The following FGF12 variants were observed in gnomAD, a reference collection of about 807,000 sequenced individuals.
The protein encoded by FGF12 is fibroblast growth factor 12.
Under a neutral mutation model 23.6 loss-of-function variants are expected in FGF12, and 14 were observed. The ratio of observed to expected loss-of-function variants is 0.59; its 90% CI spans 0.39 to 0.93. The LOEUF (loss-of-function observed/expected upper bound fraction) is 0.93, where lower values mean the gene tolerates loss of function less well. Ranked by LOEUF, FGF12 falls within the 40% of genes least tolerant of loss-of-function variation. The pLI is 0.00. For missense variants in FGF12, 175 were observed against 217.8 expected (o/e 0.80, Z 1.24); for synonymous variants, 62 against 77.3 (o/e 0.80, Z 1.04).
chr3:192,264,538 A>C (rs2108620919), intron 4 of FGF12, among the ~76,000 whole-genome samples: 1 of 152,244 alleles, frequency 6.6e-6, no homozygotes, highest in South Asian at 2.1e-4. Flanking sequence ...AATTAAAATA[A>C]TTTAAATGAT....
At chr3:192,420,376 A>G (rs995167542) in intron 2 of FGF12, among the ~76,000 whole-genome samples, 1 of 152,152 alleles carries the variant, frequency 6.6e-6, no homozygotes, top group Non-Finnish European at 1.5e-5. Flanking sequence ...ATCACAGAGA[A>G]ATCTGGAGAC....
At chr3:192,257,036 G>A (rs987561769) in intron 4 of FGF12, among the ~76,000 whole-genome samples, 1 of 152,108 alleles carries the variant, frequency 6.6e-6, no homozygotes, top group Non-Finnish European at 1.5e-5. Flanking sequence ...CAGACTAAAT[G>A]TAAGATCCTA....
chr3:192,646,531 G>T (rs1189991777), intron 2 of FGF12, among the ~76,000 whole-genome samples: 2 of 152,072 alleles, frequency 1.3e-5, no homozygotes, highest in Admixed American at 1.3e-4. Flanking sequence ...TACTGTTTAG[G>T]TATGCAAAAG....
intron 2 of FGF12, among the ~76,000 whole-genome samples, chr3:192,600,062 G>T (rs191536174): frequency 1.3e-5 from 2 of 152,078 alleles, no homozygotes; most frequent in Admixed American, 1.3e-4. Context: ...GTTGATTTTT[G>T]TGTAGGAAGA....
At chr3:192,242,557 AT>A (rs1719677234) in intron 4 of FGF12, among the ~76,000 whole-genome samples, 1 of 152,186 alleles carries the variant, frequency 6.6e-6, no homozygotes, top group African/African-American at 2.4e-5. Context: ...GTCAGGGAAA[AT>A]TTTAAAAATC....
intron 4 of FGF12, among the ~76,000 whole-genome samples, chr3:192,324,551 C>A (rs6775522): frequency 6.6e-6 from 1 of 152,132 alleles, no homozygotes; most frequent in African/African-American, 2.4e-5. Context: ...AGCTCCATAT[C>A]CTCATTATTA....
intron 4 of FGF12, among the ~76,000 whole-genome samples, chr3:192,226,866 T>G (rs1053740168): frequency 2.6e-5 from 4 of 152,062 alleles, no homozygotes; most frequent in Non-Finnish European, 4.4e-5. Context: ...TATACATATA[T>G]ATATACTTCA....
At chr3:192,175,097 A>G (rs1455541026) in intron 4 of FGF12, among the ~76,000 whole-genome samples, 1 of 152,196 alleles carries the variant, frequency 6.6e-6, no homozygotes, top group Non-Finnish European at 1.5e-5. Flanking sequence ...AGCTTTTGGT[A>G]AAGACTTAGA....
At chr3:192,206,393 T>C (rs1391725366) in intron 4 of FGF12, among the ~76,000 whole-genome samples, 3 of 152,212 alleles carry the variant, frequency 2.0e-5, no homozygotes, top group Non-Finnish European at 4.4e-5. Flanking sequence ...TGGAGAATAA[T>C]AGAATCTACT....
chr3:192,413,125 C>G (rs1721247483), intron 2 of FGF12, among the ~76,000 whole-genome samples: 1 of 152,186 alleles, frequency 6.6e-6, no homozygotes, highest in Non-Finnish European at 1.5e-5. Context: ...ATTATCTCCA[C>G]ATTTTAAAAG....
chr3:192,500,049 T>C (rs770017780), intron 2 of FGF12, among the ~76,000 whole-genome samples: 2 of 152,270 alleles, frequency 1.3e-5, no homozygotes, highest in Non-Finnish European at 2.9e-5. Context: ...AGAAGATCAA[T>C]CAAAACAAAG....
chr3:192,188,719 G>T (rs927348634), intron 4 of FGF12, among the ~76,000 whole-genome samples: 1 of 152,152 alleles, frequency 6.6e-6, no homozygotes, highest in Non-Finnish European at 1.5e-5. Context: ...AAAGCAGAAA[G>T]TTCCTTCATT....
chr3:192,601,934 T>C (rs1427865773), intron 2 of FGF12, among the ~76,000 whole-genome samples: 1 of 152,138 alleles, frequency 6.6e-6, no homozygotes, highest in Non-Finnish European at 1.5e-5. Context: ...TTAAGTATTT[T>C]TGTTTCACAG....
intron 4 of FGF12, chr3:192,283,154 A>G (rs1394735419): frequency 6.6e-6 from 1 of 152,146 alleles, no homozygotes; most frequent in Non-Finnish European, 1.5e-5. Context: ...ATGGCATAAC[A>G]CATATTTTTG....
intron 2 of FGF12, among the ~76,000 whole-genome samples, chr3:192,376,663 C>G (rs1355614370): frequency 6.6e-6 from 1 of 152,138 alleles, no homozygotes; most frequent in Non-Finnish European, 1.5e-5. Context: ...CGCCTGACCG[C>G]TATATAATCA....
chr3:192,265,895 C>T (rs1183166924), intron 4 of FGF12, among the ~76,000 whole-genome samples: 1 of 152,184 alleles, frequency 6.6e-6, no homozygotes, highest in East Asian at 1.9e-4. Context: ...CTGTTACTTG[C>T]TCTTTCTTTT....
intron 5 of FGF12, among the ~76,000 whole-genome samples, chr3:192,161,497 C>T (rs959085346): frequency 7.0e-5 from 7 of 100,718 alleles, no homozygotes; most frequent in East Asian, 3.0e-4. Flanking sequence ...GGAATGACAA[C>T]GCCTATTTAC....
At chr3:192,175,314 G>C (rs1224720252) in intron 4 of FGF12, among the ~76,000 whole-genome samples, 1 of 152,190 alleles carries the variant, frequency 6.6e-6, no homozygotes, top group Non-Finnish European at 1.5e-5. Context: ...CTAACCAGTA[G>C]TCATGTTGTA....
intron 4 of FGF12, among the ~76,000 whole-genome samples, chr3:192,318,648 G>A (rs752649790): frequency 6.6e-6 from 1 of 152,024 alleles, no homozygotes; most frequent in Non-Finnish European, 1.5e-5. Flanking sequence ...AGTAGAGAGA[G>A]AGATCAGAGT....
Sources: gnomAD v4.1 joint callset for allele counts (sites outside exome capture counted in the v4.1 genomes callset) on GRCh38, gnomAD v4.1.1 for gene constraint, MANE v1.5 for transcripts, NCBI Gene and HGNC (gene_info 2026-07-23, HGNC 2026-07-21) for gene names.